FRMD6: variants seen among roughly 807,000 people sequenced by gnomAD.
The protein encoded by FRMD6 is FERM domain containing 6.
Under a neutral mutation model 73.2 loss-of-function variants are expected in FRMD6, and 37 were observed. That is an observed-to-expected ratio of 0.51 (90% CI 0.39 to 0.66). The LOEUF is 0.66. Among genes scored for constraint, FRMD6 ranks in the 30% least tolerant of loss-of-function variants. The pLI, the probability that FRMD6 is intolerant of heterozygous loss-of-function variation, is 0.00. For synonymous variants in FRMD6, 273 were observed against 282.2 expected (o/e 0.97, Z 0.33); for missense variants, 714 against 780.5 (o/e 0.91, Z 1.02).
At chr14:51,404,727 T>C in the FRMD6 span, among the ~76,000 whole-genome samples, 1 of 152,228 alleles carries the variant, frequency 6.6e-6, no homozygotes, top group African/African-American at 2.4e-5. Flanking sequence ...GTTCTACCAC[T>C]GACTCACACT....
intron 1 of FRMD6, among the ~76,000 whole-genome samples, chr14:51,561,610 GTT>G (rs1036312155): frequency 1.3e-5 from 2 of 152,114 alleles, no homozygotes; most frequent in Admixed American, 1.3e-4. Flanking sequence ...TGGGTGTTTT[GTT>G]TATTTATTTA....
Position 51,518,068 on chromosome 14 carries a change from T to A in FRMD6, c.-210+28648T>A, listed in dbSNP as rs543307905. On this transcript the variant is annotated intron_variant, in intron 1 of 14. Transcript: ENST00000356218. ...ATTATCTTAGCATATTCCAGTTAACTTATTTTAAATAACGTTTGCATAGAA... is the reference window on the plus strand; with the variant it reads ...ATTATCTTAGCATATTCCAGTTAACATATTTTAAATAACGTTTGCATAGAA... Among the ~76,000 whole-genome samples, 11 of 152,348 alleles carry A rather than the reference T, an allele frequency of 7.2e-5. No homozygotes were observed. In the East Asian group the frequency reaches 1.9e-3, roughly 27 times the overall value.
the FRMD6 span, among the ~76,000 whole-genome samples, chr14:51,417,233 G>A: frequency 6.6e-6 from 1 of 152,196 alleles, no homozygotes; most frequent in African/African-American, 2.4e-5. Flanking sequence ...AGTTGATGCA[G>A]TTTCTTCCTA....
At chr14:51,708,365 A>G (rs758085661) in intron 7 of FRMD6, 132 bp downstream of exon 7, 63 of 893,974 alleles carry the variant, frequency 7.0e-5, no homozygotes, top group Middle Eastern at 3.5e-4. Flanking sequence ...AAAGAGTTTC[A>G]TTGAACTGCT....
At chr14:51,617,655 A>G (rs1012482702) in intron 2 of FRMD6, among the ~76,000 whole-genome samples, 5 of 152,196 alleles carry the variant, frequency 3.3e-5, no homozygotes, top group Admixed American at 6.5e-5. Flanking sequence ...GGGTTGTTGA[A>G]GGGATTAAAT....
chr14:51,399,410 C>G, the FRMD6 span, among the ~76,000 whole-genome samples: 1 of 152,286 alleles, frequency 6.6e-6, no homozygotes, highest in Non-Finnish European at 1.5e-5. Context: ...TCTGAATGTG[C>G]CCCATTTTTC....
At chr14:51,604,931 A>G (rs897480347) in intron 2 of FRMD6, among the ~76,000 whole-genome samples, 1 of 152,152 alleles carries the variant, frequency 6.6e-6, no homozygotes, top group African/African-American at 2.4e-5. Flanking sequence ...ACAAGTGAAT[A>G]TATTCCAGTC....
intron 2 of FRMD6, among the ~76,000 whole-genome samples, chr14:51,597,581 G>T (rs1203587122): frequency 6.6e-6 from 1 of 152,208 alleles, no homozygotes; most frequent in African/African-American, 2.4e-5. Flanking sequence ...AGGCCATCCT[G>T]GTCAATGACT....
At chr14:51,689,352 C>T (rs918782511) in intron 1 of FRMD6, among the ~76,000 whole-genome samples, 1 of 152,336 alleles carries the variant, frequency 6.6e-6, no homozygotes. Context: ...TTTGCCATTT[C>T]ATGTTCAAAA....
rs185508904 is a variant in FRMD6 at position 51,490,707 on chromosome 14, G to A, written c.-210+1287G>A. ...TCGTGTTGCCAACAAAAAGACAACC[G>A]CAGAGTTTTAGTGCAGTTACCGTAG... is the stretch of plus-strand genomic sequence containing the variant. On this transcript the variant is annotated intron_variant, in intron 1 of 14. Coordinates refer to the FRMD6 transcript ENST00000356218. 4.4e-3 allele frequency among the ~76,000 whole-genome samples: 676 copies of A among 151,940 alleles called. 7 individuals are homozygous for A. Among genetic ancestry groups the A allele is most frequent in the African/African-American group, 0.016 (649 of 41,396 alleles).
chr14:51,618,808 A>G (rs1232970047), intron 2 of FRMD6, among the ~76,000 whole-genome samples: 12 of 151,994 alleles, frequency 7.9e-5, no homozygotes, highest in Admixed American at 7.9e-4. Context: ...ATTTTAATCC[A>G]TTGCATTCAG....
At chr14:51,699,527 A>C (rs1190513419) in intron 3 of FRMD6, among the ~76,000 whole-genome samples, 1 of 152,082 alleles carries the variant, frequency 6.6e-6, no homozygotes, top group Non-Finnish European at 1.5e-5. Flanking sequence ...AAGAGATAGT[A>C]GTATGGCGAA....
At chr14:51,503,312 A>G (rs561838711) in intron 1 of FRMD6, among the ~76,000 whole-genome samples, 6 of 152,298 alleles carry the variant, frequency 3.9e-5, no homozygotes, top group African/African-American at 1.4e-4. Flanking sequence ...TTGCCCATTC[A>G]GTATGATATT....
Position 51,729,383 on chromosome 14 carries a change from G to T in FRMD6, c.*1354G>T, listed in dbSNP as rs1380125809. 6.6e-6 allele frequency: 1 copy of T among 152,616 alleles called. No homozygotes were observed. The highest frequency in any genetic ancestry group is 2.4e-5 in the African/African-American group (1 of 41,446). The allele number at this position is 152,616 out of a possible 1,614,324, so 9.5% of individuals were successfully genotyped here. A position where few individuals can be genotyped will look rare whatever the true frequency, so the allele number is the denominator to read the frequency against. Reference sequence around the variant, plus strand: ...AGGGCCATTTTTAAGACAGTTACCTGTTGTGCTGCTGTTACAATATATAAT... The same window carrying T: ...AGGGCCATTTTTAAGACAGTTACCTTTTGTGCTGCTGTTACAATATATAAT... On this transcript the variant is annotated 3_prime_UTR_variant, in exon 14 of 14. Coordinates refer to ENST00000344768, the MANE Select transcript of FRMD6 (RefSeq NM_001267046.2).
intron 2 of FRMD6, among the ~76,000 whole-genome samples, chr14:51,586,923 A>T (rs985885325): frequency 2.0e-5 from 3 of 152,018 alleles, no homozygotes; most frequent in African/African-American, 7.3e-5. Context: ...TTTTAAAAAA[A>T]GTTTTTTAGA....
chr14:51,415,254 T>G, the FRMD6 span, among the ~76,000 whole-genome samples: 2 of 152,166 alleles, frequency 1.3e-5, no homozygotes. Context: ...ATGCTTCCAG[T>G]TTCTGCCCAT....
At chr14:51,716,936 C>T (rs571783680) in intron 10 of FRMD6, among the ~76,000 whole-genome samples, 22 of 152,326 alleles carry the variant, frequency 1.4e-4, no homozygotes, top group African/African-American at 4.8e-4. Context: ...AAACGTCTAA[C>T]ATGGCACCTT....
At chr14:51,629,447 T>C (rs1891254138) in intron 2 of FRMD6, among the ~76,000 whole-genome samples, 1 of 152,236 alleles carries the variant, frequency 6.6e-6, no homozygotes, top group East Asian at 1.9e-4. Context: ...CCAAATTGTC[T>C]TCTAAAATAA....
At chr14:51,636,561 C>T (rs1891575644) in intron 2 of FRMD6, among the ~76,000 whole-genome samples, 2 of 152,168 alleles carry the variant, frequency 1.3e-5, no homozygotes, top group Non-Finnish European at 2.9e-5. Flanking sequence ...CCCTAGCCTC[C>T]TCCTGTTTTT....
Sources: gnomAD v4.1 joint callset for allele counts (sites outside exome capture counted in the v4.1 genomes callset) on GRCh38, gnomAD v4.1.1 for gene constraint, MANE v1.5 for transcripts, NCBI Gene and HGNC (gene_info 2026-07-23, HGNC 2026-07-21) for gene names.